WWOX: variants seen among roughly 807,000 people sequenced by gnomAD.
WWOX encodes the protein WW domain containing oxidoreductase.
A neutral mutation model predicts 46.2 loss-of-function variants in WWOX; 69 were observed. The ratio of observed to expected loss-of-function variants is 1.49; its 90% CI spans 1.23 to 1.82. The LOEUF (loss-of-function observed/expected upper bound fraction) is 1.82. Ranked by LOEUF, WWOX falls within the 40% of genes most tolerant of loss-of-function variation. The pLI is 0.00. For synonymous variants in WWOX, 359 were observed against 202.6 expected, an observed-to-expected ratio of 1.77 and a Z score of -6.56; for missense variants, 919 against 542.6, an observed-to-expected ratio of 1.69 and a Z score of -6.89.
chr16:79,158,785 C>G (rs1042260895), intron 8 of WWOX, among the ~76,000 whole-genome samples: 2 of 152,228 alleles, frequency 1.3e-5, no homozygotes, highest in Non-Finnish European at 2.9e-5. Context: ...GTTCTCAGCA[C>G]TGTGCTTCTC....
At chr16:78,895,504 A>G (rs1343320120) in intron 8 of WWOX, 1 of 152,030 alleles carries the variant, frequency 6.6e-6, no homozygotes, top group Non-Finnish European at 1.5e-5. Flanking sequence ...TTTCTATTCC[A>G]CCAGTCTATC....
chr16:79,041,735 G>A (rs2047975352), intron 8 of WWOX, among the ~76,000 whole-genome samples: 1 of 152,140 alleles, frequency 6.6e-6, no homozygotes, highest in Non-Finnish European at 1.5e-5. Flanking sequence ...GACCTTTCAT[G>A]GAATCCAGGG....
intron 4 of WWOX, among the ~76,000 whole-genome samples, chr16:78,156,906 G>A (rs1019986642): frequency 2.0e-5 from 3 of 152,128 alleles, no homozygotes; most frequent in East Asian, 1.9e-4. Context: ...ACTCCAGCCC[G>A]GGTGACAGAG....
At chr16:79,011,443 C>T (rs1236560565) in intron 8 of WWOX, among the ~76,000 whole-genome samples, 4 of 148,866 alleles carry the variant, frequency 2.7e-5, no homozygotes, top group East Asian at 3.9e-4. Context: ...CATAGTCTTC[C>T]TTTTTTTATT....
At chr16:78,489,519 T>G (rs1055713467) in intron 8 of WWOX, among the ~76,000 whole-genome samples, 2 of 152,170 alleles carry the variant, frequency 1.3e-5, no homozygotes, top group Admixed American at 1.3e-4. Context: ...TCAGTTTTCA[T>G]TCTCCCCTTA....
In WWOX at chr16:78,261,575, C is replaced by A. The variant is rs906325810; in HGVS notation, c.516+97286C>A. ...CTGTGTATGTATTTTTGCATATATA[C>A]CTGCAAGCATTTGTCCTTTTAACCT... On this transcript the variant is annotated intron_variant, in intron 5 of 8. Coordinates refer to ENST00000566780, the MANE Select transcript of WWOX (RefSeq NM_016373.4). Among the ~76,000 whole-genome samples, 6 of 150,004 alleles carry A rather than the reference C, an allele frequency of 4.0e-5. 1 individual carries two copies. Among genetic ancestry groups the A allele is most frequent in the Non-Finnish European group, 8.9e-5 (6 of 67,548 alleles).
intron 5 of WWOX, among the ~76,000 whole-genome samples, chr16:78,385,134 AAC>A (rs61262578): frequency 1.7e-4 from 25 of 143,134 alleles, no homozygotes; most frequent in East Asian, 6.1e-4. Flanking sequence ...ACTCCATCTA[AAC>A]ACACACACAC....
chr16:79,049,638 C>A (rs2048129119), intron 8 of WWOX, among the ~76,000 whole-genome samples: 1 of 152,060 alleles, frequency 6.6e-6, no homozygotes, highest in African/African-American at 2.4e-5. Context: ...GAGTTCAAGA[C>A]CAGCCTGGCC....
intron 8 of WWOX, among the ~76,000 whole-genome samples, chr16:79,024,625 C>T (rs958762922): frequency 3.3e-5 from 5 of 151,820 alleles, no homozygotes; most frequent in African/African-American, 4.8e-5. Context: ...TTAGTAGAGA[C>T]GGGGTTTCAC....
At chr16:78,383,228 A>T (rs2081992800) in intron 5 of WWOX, among the ~76,000 whole-genome samples, 1 of 152,036 alleles carries the variant, frequency 6.6e-6, no homozygotes, top group Non-Finnish European at 1.5e-5. Flanking sequence ...ACATCCCAGT[A>T]ATGACTGTGG....
At chr16:78,538,577 C>G (rs894956788) in intron 8 of WWOX, among the ~76,000 whole-genome samples, 1 of 152,192 alleles carries the variant, frequency 6.6e-6, no homozygotes, top group Non-Finnish European at 1.5e-5. Flanking sequence ...ACTGCTCATT[C>G]TGTTCTCTGA....
chr16:79,092,014 C>T (rs1038917389), intron 8 of WWOX, among the ~76,000 whole-genome samples: 4 of 151,988 alleles, frequency 2.6e-5, no homozygotes, highest in African/African-American at 9.7e-5. Flanking sequence ...CTCTTGACCT[C>T]GTGATCTTTT....
chr16:79,212,138 C>T lies in WWOX; in HGVS notation c.*342C>T. Reference sequence around the variant, plus strand: ...TTACTGTTATAGAATAGCCTGAGGTCCCCTCGTCCCATCCAGCTACCACCA... The same window carrying T: ...TTACTGTTATAGAATAGCCTGAGGTTCCCTCGTCCCATCCAGCTACCACCA... On this transcript the variant is annotated 3_prime_UTR_variant, in exon 9 of 9. Transcript: ENST00000566780. The T allele has an allele frequency of 5.9e-6, 9 of 1,520,856 alleles. No homozygotes were observed. The highest frequency in any genetic ancestry group is 7.9e-6 in the Non-Finnish European group (9 of 1,138,468). The allele number at this position is 1,520,856 out of a possible 1,614,324, so 94.2% of individuals were successfully genotyped here.
At chr16:78,456,313 G>C (rs576021368) in intron 8 of WWOX, among the ~76,000 whole-genome samples, 11 of 152,208 alleles carry the variant, frequency 7.2e-5, no homozygotes, top group Non-Finnish European at 1.2e-4. Context: ...TGTGAATAGT[G>C]TTGGGGGCTG....
intron 8 of WWOX, among the ~76,000 whole-genome samples, chr16:78,759,798 A>G (rs1748231228): frequency 6.6e-6 from 1 of 152,214 alleles, no homozygotes; most frequent in African/African-American, 2.4e-5. Flanking sequence ...GTTTCGCTCC[A>G]GAGTGAGTTT....
At position 78,533,806 on chromosome 16, in the gene WWOX, C is replaced by T. The variant is rs990163462; in HGVS notation, c.1056+101054C>T. 5.4e-4 allele frequency among the ~76,000 whole-genome samples: 82 copies of T among 152,256 alleles called. 1 individual carries two copies. The highest frequency in any genetic ancestry group is 1.9e-3 in the African/African-American group (79 of 41,550). ...CCCTCCCGAATGCGTCCTCAGAACT[C>T]GCTGGTTCTCGTCCTCGCCCTCAGC... On this transcript the variant is annotated intron_variant, in intron 8 of 8. Coordinates refer to ENST00000566780, the MANE Select transcript of WWOX (RefSeq NM_016373.4).
chr16:78,931,179 C>T (rs546084115), intron 8 of WWOX, among the ~76,000 whole-genome samples: 72 of 152,272 alleles, frequency 4.7e-4, no homozygotes, highest in Non-Finnish European at 6.6e-4. Flanking sequence ...TACGCACATC[C>T]GTAGACAGTT....
intron 8 of WWOX, among the ~76,000 whole-genome samples, chr16:78,532,513 C>T (rs545309035): frequency 6.6e-6 from 1 of 152,260 alleles, no homozygotes; most frequent in Non-Finnish European, 1.5e-5. Flanking sequence ...AAACAGCAGG[C>T]ATAGTTACTG....
At chr16:78,236,846 A>T (rs893777783) in intron 5 of WWOX, among the ~76,000 whole-genome samples, 1 of 151,978 alleles carries the variant, frequency 6.6e-6, no homozygotes, top group African/African-American at 2.4e-5. Context: ...GGAGGCCGAG[A>T]TGGGAGGATC....
Sources: gnomAD v4.1 joint callset for allele counts (sites outside exome capture counted in the v4.1 genomes callset) on GRCh38, gnomAD v4.1.1 for gene constraint, MANE v1.5 for transcripts, NCBI Gene and HGNC (gene_info 2026-07-23, HGNC 2026-07-21) for gene names.